Variants in CRB1 observed in about 807,000 individuals in gnomAD.
CRB1 encodes the protein protein crumbs homolog 1.
CRB1 carries 83 observed loss-of-function variants against 120.0 expected under a neutral mutation model. The ratio of observed to expected loss-of-function variants is 0.69; its 90% CI spans 0.58 to 0.83. The LOEUF is 0.83. Ranked by LOEUF, CRB1 falls within the 40% of genes least tolerant of loss-of-function variation. CRB1 has a pLI of 0.00. For synonymous variants in CRB1, 625 were observed against 612.5 expected (o/e 1.02, Z -0.30); for missense variants, 1,699 against 1,687.6 (o/e 1.01, Z -0.12).
the CRB1 span, among the ~76,000 whole-genome samples, chr1:197,248,876 T>C: frequency 1.3e-5 from 2 of 151,962 alleles, no homozygotes; most frequent in African/African-American, 4.8e-5. Context: ...TGTCTTAAAG[T>C]AGATCATGAA....
the CRB1 span, among the ~76,000 whole-genome samples, chr1:197,258,678 G>T: frequency 6.6e-6 from 1 of 152,050 alleles, no homozygotes; most frequent in Non-Finnish European, 1.5e-5. Context: ...TTAAGTATTA[G>T]TGTGGCTGCT....
intron 5 of CRB1, among the ~76,000 whole-genome samples, chr1:197,376,945 C>T (rs1661680723): frequency 6.6e-6 from 1 of 152,142 alleles, no homozygotes; most frequent in Admixed American, 6.6e-5. Context: ...CTTAAAGTTA[C>T]TTGGTTAGGC....
intron 1 of CRB1, among the ~76,000 whole-genome samples, chr1:197,313,319 G>A (rs960972288): frequency 1.3e-5 from 2 of 152,172 alleles, no homozygotes; most frequent in Admixed American, 1.3e-4. Flanking sequence ...TGGGGACACA[G>A]AGCCAAACCA....
chr1:197,453,973 A>C (rs1318301531), intron 11 of CRB1, among the ~76,000 whole-genome samples: 1 of 42,622 alleles, frequency 2.3e-5, no homozygotes, highest in Non-Finnish European at 4.7e-5. Flanking sequence ...ATTATTAATA[A>C]TATATATTAT....
chr1:197,329,175 A>C (rs755973926), intron 2 of CRB1, among the ~76,000 whole-genome samples, 172 bp downstream of exon 2: 5 of 152,256 alleles, frequency 3.3e-5, no homozygotes, highest in African/African-American at 4.8e-5. Flanking sequence ...CACTGAATGC[A>C]CTGAATTCTA....
At chr1:197,380,455 A>G (rs1249979012) in intron 5 of CRB1, among the ~76,000 whole-genome samples, 1 of 152,190 alleles carries the variant, frequency 6.6e-6, no homozygotes, top group Non-Finnish European at 1.5e-5. Flanking sequence ...ATCTAGATTT[A>G]TCTAGCAGCT....
At chr1:197,222,316 C>T in the CRB1 span, 3 of 706,654 alleles carry the variant, frequency 4.2e-6, no homozygotes, top group African/African-American at 5.2e-5. Context: ...GGAAATTGGC[C>T]TATACCGGGA....
intron 5 of CRB1, among the ~76,000 whole-genome samples, chr1:197,377,932 G>C (rs1028551069): frequency 1.3e-5 from 2 of 152,126 alleles, no homozygotes; most frequent in Non-Finnish European, 1.5e-5. Flanking sequence ...GCTCTAGCCT[G>C]CTGTATCCTC....
chr1:197,468,217 C>A (rs958025285), intron 11 of CRB1, among the ~76,000 whole-genome samples: 1 of 152,062 alleles, frequency 6.6e-6, no homozygotes, highest in African/African-American at 2.4e-5. Context: ...CATGAGGCAC[C>A]TTCCTTTCTC....
In CRB1 at chr1:197,313,222, T is replaced by C. The variant is rs148219528; in HGVS notation, c.71-15200T>C. On this transcript the variant is annotated intron_variant, in intron 1 of 11. Coordinates refer to ENST00000367400, the MANE Select transcript of CRB1 (RefSeq NM_201253.3). Reference sequence around the variant, plus strand: ...CTCACTCACTATCACAAGAACATCATGGGGGAAATCTGCTCCCATGATCCA... The same window carrying C: ...CTCACTCACTATCACAAGAACATCACGGGGGAAATCTGCTCCCATGATCCA... Among the ~76,000 whole-genome samples, 927 of 152,274 alleles carry C rather than the reference T, an allele frequency of 6.1e-3. 11 individuals carry two copies. The highest frequency in any genetic ancestry group is 0.018 in the African/African-American group (761 of 41,550).
At chr1:197,296,059 T>A (rs926194583) in intron 1 of CRB1, among the ~76,000 whole-genome samples, 1 of 152,096 alleles carries the variant, frequency 6.6e-6, no homozygotes, top group Non-Finnish European at 1.5e-5. Context: ...AGCACTAGAC[T>A]TGAGAACCTG....
the CRB1 span, among the ~76,000 whole-genome samples, chr1:197,231,990 A>G: frequency 6.6e-6 from 1 of 152,142 alleles, no homozygotes; most frequent in Non-Finnish European, 1.5e-5. Flanking sequence ...TGAGATGAGG[A>G]GATTATCCTG....
At chr1:197,416,742 C>G (rs997100391) in intron 5 of CRB1, among the ~76,000 whole-genome samples, 4 of 152,250 alleles carry the variant, frequency 2.6e-5, no homozygotes, top group Admixed American at 2.6e-4. Flanking sequence ...CAGAGTCTCG[C>G]TCTGTTGCCC....
intron 4 of CRB1, among the ~76,000 whole-genome samples, chr1:197,348,931 C>T (rs898137342): frequency 6.6e-6 from 1 of 152,038 alleles, no homozygotes; most frequent in African/African-American, 2.4e-5. Flanking sequence ...TTCTAATAAA[C>T]CTAGAGTAGC....
At chr1:197,297,031 C>T (rs915864033) in intron 1 of CRB1, among the ~76,000 whole-genome samples, 1 of 152,014 alleles carries the variant, frequency 6.6e-6, no homozygotes, top group Non-Finnish European at 1.5e-5. Flanking sequence ...GACTTCCTCT[C>T]TTTATTCTCT....
At chr1:197,439,277 C>G (rs1045105928) in intron 10 of CRB1, 1 of 157,276 alleles carries the variant, frequency 6.4e-6, no homozygotes, top group African/African-American at 2.4e-5. Context: ...TTATCAGCTG[C>G]TTAAAGGGAT....
intron 5 of CRB1, among the ~76,000 whole-genome samples, chr1:197,411,052 C>A (rs956730809): frequency 2.6e-5 from 4 of 152,132 alleles, no homozygotes; most frequent in Non-Finnish European, 5.9e-5. Context: ...ACATGAAGAC[C>A]CTTCTGATAT....
intron 5 of CRB1, among the ~76,000 whole-genome samples, chr1:197,376,060 A>T (rs1258662752): frequency 6.6e-6 from 1 of 152,104 alleles, no homozygotes; most frequent in Non-Finnish European, 1.5e-5. Flanking sequence ...GCTGGATATA[A>T]TTTCTTTATT....
At chr1:197,255,963 TTTTATATATATATATATA>T in the CRB1 span, among the ~76,000 whole-genome samples, 5 of 33,284 alleles carry the variant, frequency 1.5e-4, no homozygotes, top group African/African-American at 5.0e-4. Flanking sequence ...ATATAGAACA[TTTTATATATATATATATA>T]TATATATATA....
Sources: gnomAD v4.1 joint callset for allele counts (sites outside exome capture counted in the v4.1 genomes callset) on GRCh38, gnomAD v4.1.1 for gene constraint, MANE v1.5 for transcripts, NCBI Gene and HGNC (gene_info 2026-07-23, HGNC 2026-07-21) for gene names.